The following CSMD1 variants were observed in gnomAD, a reference collection of about 807,000 sequenced individuals.
CSMD1 encodes CUB and Sushi multiple domains 1.
A neutral mutation model predicts 417.5 loss-of-function variants in CSMD1; 213 were observed. That is an observed-to-expected ratio of 0.51 (90% CI 0.46 to 0.57). The LOEUF is 0.57. Among genes scored for constraint, CSMD1 ranks in the 20% least tolerant of loss-of-function variants. CSMD1 has a pLI of 0.00. For missense variants in CSMD1, 6,923 were observed against 4,529.7 expected, an observed-to-expected ratio of 1.53 and a Z score of -15.17; for synonymous variants, 2,862 against 1,736.8, an observed-to-expected ratio of 1.65 and a Z score of -16.11.
chr8:3,508,827 A>T (rs560424187), intron 10 of CSMD1, among the ~76,000 whole-genome samples: 1 of 152,208 alleles, frequency 6.6e-6, no homozygotes, highest in African/African-American at 2.4e-5. Flanking sequence ...AAAGAGACAC[A>T]TCAGCTGTCA....
At chr8:4,756,968 T>C (rs547223726) in intron 1 of CSMD1, among the ~76,000 whole-genome samples, 1 of 152,350 alleles carries the variant, frequency 6.6e-6, no homozygotes, top group East Asian at 1.9e-4. Flanking sequence ...ACACATAAGC[T>C]GGTGAGGAAA....
intron 52 of CSMD1, among the ~76,000 whole-genome samples, chr8:3,012,339 T>G (rs1251865704): frequency 6.6e-6 from 1 of 152,174 alleles, no homozygotes; most frequent in Non-Finnish European, 1.5e-5. Flanking sequence ...ATAGTTGACA[T>G]TCTCAAGACT....
chr8:4,767,915 T>C (rs929507527), intron 1 of CSMD1, among the ~76,000 whole-genome samples: 5 of 152,120 alleles, frequency 3.3e-5, no homozygotes, highest in Non-Finnish European at 5.9e-5. Flanking sequence ...GATGAATTAA[T>C]AAAACAAATG....
intron 18 of CSMD1, among the ~76,000 whole-genome samples, chr8:3,376,767 T>G (rs1810332900): frequency 6.8e-6 from 1 of 146,384 alleles, no homozygotes; most frequent in African/African-American, 2.5e-5. Context: ...TTATCGTGTT[T>G]CATGTTGATA....
intron 1 of CSMD1, among the ~76,000 whole-genome samples, chr8:4,714,074 G>C (rs980710822): frequency 6.6e-6 from 1 of 152,082 alleles, no homozygotes; most frequent in Non-Finnish European, 1.5e-5. Flanking sequence ...GAACCCGGGA[G>C]ACAGAGGTTG....
chr8:3,886,352 T>C (rs1306587665), intron 5 of CSMD1, among the ~76,000 whole-genome samples: 2 of 152,174 alleles, frequency 1.3e-5, no homozygotes, highest in Non-Finnish European at 2.9e-5. Context: ...CCAGGCCCAT[T>C]ATATATTTTT....
At chr8:4,317,460 C>T (rs573431596) in intron 3 of CSMD1, among the ~76,000 whole-genome samples, 10 of 152,262 alleles carry the variant, frequency 6.6e-5, no homozygotes, top group East Asian at 3.9e-4. Flanking sequence ...GATGTCTATA[C>T]GCTGCCAGTG....
intron 3 of CSMD1, among the ~76,000 whole-genome samples, chr8:4,379,222 G>A (rs1802945192): frequency 6.6e-6 from 1 of 152,084 alleles, no homozygotes; most frequent in Admixed American, 6.6e-5. Flanking sequence ...ACCAAATTAT[G>A]GGAAAATATC....
Position 4,069,544 on chromosome 8 carries a change from C to G in CSMD1, c.416-37445G>C, listed in dbSNP as rs769989564. ...CGATGATTTGTTCTTACCACCCTCC[C>G]TCTCCGCCTCCCATTCACAGGCATC... On this transcript the variant is annotated intron_variant, in intron 3 of 69. Transcript: ENST00000635120. Among the ~76,000 whole-genome samples the G allele has an allele frequency of 2.6e-5, 4 of 152,168 alleles. No individual in the cohort carries two copies. In the East Asian group the frequency reaches 7.7e-4, roughly 29 times the overall value.
chr8:3,045,589 C>T (rs1585218460), intron 50 of CSMD1, among the ~76,000 whole-genome samples: 1 of 152,158 alleles, frequency 6.6e-6, no homozygotes, highest in Non-Finnish European at 1.5e-5. Flanking sequence ...GACCCCATCA[C>T]CTACTTAATA....
chr8:4,768,009 A>T (rs1279139004), intron 1 of CSMD1, among the ~76,000 whole-genome samples: 1 of 152,078 alleles, frequency 6.6e-6, no homozygotes, highest in Non-Finnish European at 1.5e-5. Context: ...TTCAATTCAC[A>T]TTTACGTTCA....
intron 3 of CSMD1, among the ~76,000 whole-genome samples, chr8:4,306,837 A>T (rs1227596147): frequency 2.6e-5 from 4 of 151,436 alleles, no homozygotes; most frequent in African/African-American, 9.7e-5. Context: ...TCCAGATTTA[A>T]AAAAAATCTA....
chr8:4,051,250 G>A (rs73658558), intron 3 of CSMD1, among the ~76,000 whole-genome samples: 5,689 of 151,366 alleles, frequency 0.038, 347 homozygotes, highest in African/African-American at 0.12. Flanking sequence ...CAAGCTTCCT[G>A]GATTTCTTCA....
chr8:4,000,934 AG>A (rs1172396385), intron 4 of CSMD1, among the ~76,000 whole-genome samples: 12 of 152,258 alleles, frequency 7.9e-5, no homozygotes, highest in South Asian at 2.1e-4. Flanking sequence ...AAAATGATGT[AG>A]TTGAAAGATT....
Position 4,545,027 on chromosome 8 carries a change from G to A in CSMD1, c.302+92315C>T, listed in dbSNP as rs760419172. On this transcript the variant is annotated intron_variant, in intron 2 of 69. Transcript: ENST00000635120. ...ATATTTATCACGCACGTATCTGAAT[G>A]CATGCACCCATTTAAACAATATACG... Among the ~76,000 whole-genome samples, 292 of 152,328 alleles carry A rather than the reference G, an allele frequency of 1.9e-3. 3 individuals are homozygous for A. Among genetic ancestry groups the A allele is most frequent in the Non-Finnish European group, 3.7e-3 (254 of 68,028 alleles).
intron 6 of CSMD1, among the ~76,000 whole-genome samples, chr8:3,741,213 TAAAAAAAAAAAAAAAAAA>T (rs58662516): frequency 3.0e-5 from 2 of 67,276 alleles, no homozygotes; most frequent in Non-Finnish European, 5.4e-5. Context: ...GACTCCGTCT[TAAAAAAAAAAAAAAAAAA>T]AAAAAAAAAA....
chr8:3,359,385 A>C, intron 20 of CSMD1, 45 bp from the exon 21 acceptor site: 3 of 1,436,388 alleles, frequency 2.1e-6, no homozygotes, highest in Non-Finnish European at 1.9e-6. Context: ...ATTTGGGTAA[A>C]TACACAAAGA....
In CSMD1 at chr8:3,614,310, C is replaced by T. The variant is rs76960020; in HGVS notation, c.1097+2400G>A. Among the ~76,000 whole-genome samples, 61 of 152,122 alleles carry T rather than the reference C, an allele frequency of 4.0e-4. 1 individual carries two copies. Among genetic ancestry groups the T allele is most frequent in the Admixed American group, 2.9e-3 (45 of 15,260 alleles). ...AACCTTATCTATATTCTTTCCCTGA[C>T]GGGCTATACGTCTGCACAACCTAGA... On this transcript the variant is annotated intron_variant, in intron 8 of 69. Transcript: ENST00000635120.
intron 10 of CSMD1, among the ~76,000 whole-genome samples, chr8:3,550,911 G>A (rs1331763428): frequency 1.3e-5 from 2 of 152,128 alleles, no homozygotes; most frequent in South Asian, 2.1e-4. Context: ...TAGGAGTATG[G>A]CATCATGCAA....
Sources: allele counts gnomAD v4.1 joint callset (sites outside exome capture counted in the v4.1 genomes callset), GRCh38; gene constraint gnomAD v4.1.1; transcripts MANE v1.5; gene names NCBI Gene and HGNC (gene_info 2026-07-23, HGNC 2026-07-21).